RIMS1: variants seen among roughly 807,000 people sequenced by gnomAD.
The protein encoded by RIMS1 is regulating synaptic membrane exocytosis protein 1.
RIMS1 carries 83 observed loss-of-function variants against 214.1 expected under a neutral mutation model. That is an observed-to-expected ratio of 0.39 (90% CI 0.32 to 0.47). RIMS1 has a LOEUF of 0.47. Among genes scored for constraint, RIMS1 ranks in the 20% least tolerant of loss-of-function variants. RIMS1 has a pLI of 0.99. For missense variants in RIMS1, 2,050 were observed against 2,161.8 expected, an observed-to-expected ratio of 0.95 and a Z score of 1.03; for synonymous variants, 793 against 786.8, an observed-to-expected ratio of 1.01 and a Z score of -0.13.
chr6:72,313,454 T>C, intron 27 of RIMS1, 52 bp from the exon 28 acceptor site: 3 of 1,552,016 alleles, frequency 1.9e-6, no homozygotes, highest in Non-Finnish European at 2.6e-6. Flanking sequence ...CCATCTATGT[T>C]TTTTCCATTG....
At chr6:72,098,289 C>CTTTTTTTTTTTTTTTTTTT (rs58934201) in intron 3 of RIMS1, among the ~76,000 whole-genome samples, 3 of 143,346 alleles carry the variant, frequency 2.1e-5, no homozygotes, top group African/African-American at 5.1e-5. Flanking sequence ...ATCAATATAT[C>CTTTTTTTTTTTTTTTTTTT]TTTTTTTTTT....
rs1457335376 is a variant in RIMS1, at chr6:72,164,193, G to A, written c.472-15382G>A. 2.6e-5 allele frequency among the ~76,000 whole-genome samples: 4 copies of A among 152,232 alleles called. No homozygotes were observed. In the East Asian group the frequency reaches 5.8e-4, roughly 22 times the overall value. ...GTGGGCATAGGACCCTCCGAGCCAAGTGCAGGATATAATCTCCTGGTGTGC... is the reference window on the plus strand; with the variant it reads ...GTGGGCATAGGACCCTCCGAGCCAAATGCAGGATATAATCTCCTGGTGTGC... On this transcript the variant is annotated intron_variant, in intron 4 of 33. Coordinates refer to ENST00000521978, the MANE Select transcript of RIMS1 (RefSeq NM_014989.7).
intron 1 of RIMS1, among the ~76,000 whole-genome samples, chr6:71,905,145 G>C (rs1322382968): frequency 1.3e-5 from 2 of 151,824 alleles, no homozygotes; most frequent in African/African-American, 4.8e-5. Context: ...CTTTGGTGTG[G>C]GTGCCTTCTG....
At chr6:72,045,809 T>A (rs1822836770) in intron 2 of RIMS1, among the ~76,000 whole-genome samples, 1 of 151,864 alleles carries the variant, frequency 6.6e-6, no homozygotes. Flanking sequence ...TCATTTTGAA[T>A]TTTTTATATA....
chr6:72,070,483 T>C (rs75236410), intron 2 of RIMS1, among the ~76,000 whole-genome samples: 10,894 of 152,248 alleles, frequency 0.072, 450 homozygotes, highest in Middle Eastern at 0.11. Flanking sequence ...TACTGTTGCC[T>C]GTGTTGCTCA....
chr6:72,213,350 G>T, intron 6 of RIMS1: 1 of 800,616 alleles, frequency 1.2e-6, no homozygotes, highest in Non-Finnish European at 1.8e-6. Flanking sequence ...GGTGCACAGT[G>T]TTCTTAATTG....
In RIMS1 at chr6:71,924,863, T is replaced by A. The variant is rs373333376; in HGVS notation, c.164+37676T>A. On this transcript the variant is annotated intron_variant, in intron 1 of 33. Transcript: ENST00000521978. ...TGTAAGAAAATATTGCTAAAAAATC[T>A]CTTTGAGGGTGTTGCCTTCACCAAC... Among the ~76,000 whole-genome samples, 433 of 146,884 alleles carry A rather than the reference T, an allele frequency of 2.9e-3. 6 individuals are homozygous for A. In the South Asian group the frequency reaches 0.04, roughly 13 times the overall value.
intron 29 of RIMS1, among the ~76,000 whole-genome samples, chr6:72,389,102 A>G (rs1027881154): frequency 2.6e-5 from 4 of 152,164 alleles, no homozygotes; most frequent in African/African-American, 9.7e-5. Context: ...GGGATTGTCT[A>G]TTTCTAAAAA....
At chr6:72,246,049 T>C (rs2069446767) in intron 11 of RIMS1, among the ~76,000 whole-genome samples, 188 bp downstream of exon 11, 2 of 152,186 alleles carry the variant, frequency 1.3e-5, no homozygotes, top group Non-Finnish European at 2.9e-5. Flanking sequence ...AGGATTTTTC[T>C]TCCTCTACTT....
chr6:72,240,015 C>T (rs998011801), intron 9 of RIMS1, among the ~76,000 whole-genome samples: 1 of 152,188 alleles, frequency 6.6e-6, no homozygotes, highest in African/African-American at 2.4e-5. Flanking sequence ...TCCCTGGCAC[C>T]ACTTGACTCT....
At position 71,997,625 on chromosome 6, in the gene RIMS1, A is replaced by C. The variant is rs115408762; in HGVS notation, c.245+28562A>C. ...GCAAACATGAAAATAATTTTATCTC[A>C]TCACAGCAAGTTAGATGCGTGTTCT... is the stretch of plus-strand genomic sequence containing the variant. On this transcript the variant is annotated intron_variant, in intron 2 of 33. Coordinates refer to ENST00000521978, the MANE Select transcript of RIMS1 (RefSeq NM_014989.7). 9.0e-3 allele frequency among the ~76,000 whole-genome samples: 1,371 copies of C among 152,290 alleles called. 15 individuals are homozygous for C. The highest frequency in any genetic ancestry group is 0.03 in the African/African-American group (1,249 of 41,572).
chr6:71,983,034 C>T (rs1180781285), intron 2 of RIMS1, among the ~76,000 whole-genome samples: 2 of 151,882 alleles, frequency 1.3e-5, no homozygotes, highest in Non-Finnish European at 2.9e-5. Flanking sequence ...AATATCTCAC[C>T]CACTCCTCTT....
chr6:72,286,056 G>A (rs2092202868), intron 24 of RIMS1, among the ~76,000 whole-genome samples: 1 of 152,076 alleles, frequency 6.6e-6, no homozygotes, highest in African/African-American at 2.4e-5. Flanking sequence ...AAGTAGCTGG[G>A]CCTGGTGGCA....
chr6:72,079,622 G>GC (rs1442515142), intron 2 of RIMS1, among the ~76,000 whole-genome samples: 2 of 152,084 alleles, frequency 1.3e-5, no homozygotes, highest in African/African-American at 4.8e-5. Flanking sequence ...GGTGGCTCAT[G>GC]CCTGTAATCC....
At chr6:72,340,367 T>C (rs2097020650) in intron 29 of RIMS1, among the ~76,000 whole-genome samples, 1 of 152,070 alleles carries the variant, frequency 6.6e-6, no homozygotes, top group African/African-American at 2.4e-5. Context: ...CCCATGCCTA[T>C]GTCCTGAATG....
At chr6:72,316,995 C>A in intron 28 of RIMS1, 1 of 506,222 alleles carries the variant, frequency 2.0e-6, no homozygotes. Flanking sequence ...TGGCTCCCTG[C>A]TGGGAAGCCT....
chr6:72,072,029 A>C (rs1387483057), intron 2 of RIMS1, among the ~76,000 whole-genome samples: 1 of 152,180 alleles, frequency 6.6e-6, no homozygotes, highest in Non-Finnish European at 1.5e-5. Context: ...TAAAAAATAT[A>C]CTAATTATTG....
chr6:71,904,397 G>A (rs1774649711), intron 1 of RIMS1, among the ~76,000 whole-genome samples: 2 of 152,108 alleles, frequency 1.3e-5, no homozygotes, highest in Admixed American at 6.6e-5. Context: ...GAGTCCCTTG[G>A]GAGTTCTGAG....
intron 4 of RIMS1, among the ~76,000 whole-genome samples, chr6:72,176,344 G>C (rs2047704967): frequency 1.3e-5 from 2 of 152,082 alleles, no homozygotes; most frequent in Non-Finnish European, 2.9e-5. Flanking sequence ...ATTATCTATA[G>C]CTTCAGGCAA....
Sources: gnomAD v4.1 joint callset for allele counts (sites outside exome capture counted in the v4.1 genomes callset) on GRCh38, gnomAD v4.1.1 for gene constraint, MANE v1.5 for transcripts, NCBI Gene and HGNC (gene_info 2026-07-23, HGNC 2026-07-21) for gene names.